YAE1: variants seen among roughly 807,000 people sequenced by gnomAD.
YAE1 encodes the protein YAE1 maturation factor of ABCE1.
A neutral mutation model predicts 23.0 loss-of-function variants in YAE1; 22 were observed. The ratio of observed to expected loss-of-function variants is 0.96; its 90% CI spans 0.68 to 1.37. The LOEUF is 1.37. YAE1 is among the 40% of genes most tolerant of loss of function. The probability of loss-of-function intolerance (pLI) is 0.00; values close to 1 mark genes in which losing one functional copy is unlikely to be tolerated. For missense variants in YAE1, 260 were observed against 262.1 expected, an observed-to-expected ratio of 0.99 and a Z score of 0.06; for synonymous variants, 101 against 97.0, an observed-to-expected ratio of 1.04 and a Z score of -0.24.
At chr7:39,607,239 C>G (rs529654219) in intron 2 of YAE1, among the ~76,000 whole-genome samples, 1 of 152,236 alleles carries the variant, frequency 6.6e-6, no homozygotes, top group East Asian at 1.9e-4. Flanking sequence ...CCAGTGTTGT[C>G]TATGTCCTAC....
chr7:39,570,714 A>G, intron 2 of YAE1, 87 bp downstream of exon 2: 2 of 1,473,802 alleles, frequency 1.4e-6, no homozygotes, highest in East Asian at 2.4e-5. Context: ...TTAAACTGAA[A>G]TGCTTTTCCT....
chr7:39,609,503 C>G, intron 2 of YAE1: 2 of 1,372,286 alleles, frequency 1.5e-6, no homozygotes, highest in Non-Finnish European at 1.9e-6. Flanking sequence ...GACAAATCTT[C>G]GTTATAAGTT....
chr7:39,593,422 AT>A (rs1790931711), intron 2 of YAE1, among the ~76,000 whole-genome samples: 1 of 151,560 alleles, frequency 6.6e-6, no homozygotes, highest in Admixed American at 6.6e-5. Flanking sequence ...TAATTTTTGT[AT>A]TTTTAGTAGA....
downstream of YAE1, among the ~76,000 whole-genome samples, chr7:39,574,710 G>A (rs1790626492): frequency 6.8e-6 from 1 of 146,074 alleles, no homozygotes. Context: ...TCCAGCCTGG[G>A]TGACAGAGCA....
chr7:39,600,102 C>G (rs186503879), intron 2 of YAE1, among the ~76,000 whole-genome samples: 1 of 152,058 alleles, frequency 6.6e-6, no homozygotes, highest in East Asian at 1.9e-4. Context: ...GAGTAAGGAC[C>G]GTATCCAATT....
At position 39,566,523 on chromosome 7, in the gene YAE1, G is replaced by A; in HGVS notation, c.105G>A (p.Gln35=). 6.2e-7 allele frequency: 1 copy of A among 1,614,110 alleles called. No homozygotes were observed. The highest frequency in any genetic ancestry group is 8.5e-7 in the Non-Finnish European group (1 of 1,179,970). The change falls in exon 1 of 3, where the codon CAG becomes CAA. Residue 35 remains glutamine (Q), a synonymous_variant. Transcript: ENST00000223273. ...DESLLAQREW[Q]SNMQRRVKEG... Reference sequence around the variant, plus strand: ...CGCTCCTGGCGCAGCGGGAATGGCAGAGTAACATGCAAAGACGAGTCAAAG... The same window carrying A: ...CGCTCCTGGCGCAGCGGGAATGGCAAAGTAACATGCAAAGACGAGTCAAAG...
At chr7:39,570,821 T>G (rs1431332631) in intron 2 of YAE1, 194 bp downstream of exon 2, 1 of 597,518 alleles carries the variant, frequency 1.7e-6, no homozygotes, top group East Asian at 3.4e-5. Flanking sequence ...ATGTGTGAAC[T>G]ACATATTGTC....
downstream of YAE1, among the ~76,000 whole-genome samples, chr7:39,577,496 C>G (rs889881705): frequency 1.3e-5 from 2 of 152,174 alleles, no homozygotes; most frequent in Admixed American, 6.5e-5. Context: ...TTGGCAGGCC[C>G]TGCACTTGGA....
rs1790585612 is a variant in YAE1 at position 39,572,436 on chromosome 7, T to C, written c.411T>C (p.Ile137=). 6.2e-7 allele frequency: 1 copy of C among 1,614,120 alleles called. No homozygotes were observed. The highest frequency in any genetic ancestry group is 8.5e-7 in the Non-Finnish European group (1 of 1,179,976). The change falls in exon 3 of 3, where the codon ATT becomes ATC. Residue 137 remains isoleucine (I), a synonymous_variant. Transcript: ENST00000223273. ...PSHVVDLLDS[I]EDMDLCHVVP... Reference sequence around the variant, plus strand: ...ATGTTGTAGATTTATTGGACTCCATTGAGGATATGGACCTTTGTCATGTAG... The same window carrying C: ...ATGTTGTAGATTTATTGGACTCCATCGAGGATATGGACCTTTGTCATGTAG...
At chr7:39,611,716 A>AT (rs1039043180), downstream of YAE1, among the ~76,000 whole-genome samples, 1 of 152,076 alleles carries the variant, frequency 6.6e-6, no homozygotes, top group African/African-American at 2.4e-5. Context: ...GTATACATTT[A>AT]TTTTTTTACC....
At position 39,569,952 on chromosome 7, in the gene YAE1, A is replaced by C. The variant is rs1790538743; in HGVS notation, c.130-554A>C. 1.4e-5 allele frequency: 18 copies of C among 1,324,576 alleles called. No homozygotes were observed. In the South Asian group the frequency reaches 2.1e-4, roughly 16 times the overall value. 82.1% of individuals were successfully genotyped at this position (1,324,576 alleles called of 1,614,324 possible). ...CAGTCCTGGCTGCTCTGTGACATCT[A>C]CTTTCACAACATTAACCTCAGATCT... On this transcript the variant is annotated intron_variant, in intron 1 of 2. Coordinates refer to ENST00000223273, the MANE Select transcript of YAE1 (RefSeq NM_020192.5).
At chr7:39,584,097 G>A (rs1220791461) in intron 2 of YAE1, among the ~76,000 whole-genome samples, 2 of 152,032 alleles carry the variant, frequency 1.3e-5, no homozygotes, top group African/African-American at 4.8e-5. Context: ...GCTTCCCTCT[G>A]GCAGAACTAA....
At chr7:39,596,280 C>A (rs1241204076) in intron 2 of YAE1, among the ~76,000 whole-genome samples, 1 of 152,118 alleles carries the variant, frequency 6.6e-6, no homozygotes, top group African/African-American at 2.4e-5. Context: ...CTGCAACCTC[C>A]GCCTACCAAT....
chr7:39,572,615 C>G lies in YAE1; in HGVS notation c.590C>G (p.Pro197Arg). 6.2e-7 allele frequency: 1 copy of G among 1,614,052 alleles called. No homozygotes were observed. The highest frequency in any genetic ancestry group is 8.5e-7 in the Non-Finnish European group (1 of 1,179,946). ...RTQEHAHSEN[P>R]SPTWILEQTA... is the part of the protein sequence containing the mutation. Reference sequence around the variant, plus strand: ...CAGGAGCATGCACATTCAGAAAACCCAAGCCCCACATGGATTTTGGAACAG... The same window carrying G: ...CAGGAGCATGCACATTCAGAAAACCGAAGCCCCACATGGATTTTGGAACAG... The change falls in exon 3 of 3, where the codon CCA (proline) becomes CGA (arginine). Residue 197 changes from proline to arginine, a missense_variant. Physicochemically the swap from Pro to Arg is moderately radical, Grantham distance 103 (BLOSUM62 -2). Transcript: ENST00000223273.
At chr7:39,604,430 G>A (rs143208209) in intron 2 of YAE1, among the ~76,000 whole-genome samples, 1 of 152,232 alleles carries the variant, frequency 6.6e-6, no homozygotes, top group East Asian at 1.9e-4. Flanking sequence ...GAGTCACAAG[G>A]GGGATAAGTC....
At chr7:39,602,768 A>T (rs1051746734) in intron 2 of YAE1, among the ~76,000 whole-genome samples, 2 of 152,082 alleles carry the variant, frequency 1.3e-5, no homozygotes, top group Admixed American at 1.3e-4. Context: ...GTTTGTTTTG[A>T]GACAGAGTCT....
chr7:39,570,105 G>C, intron 1 of YAE1: 2 of 1,022,988 alleles, frequency 2.0e-6, no homozygotes, highest in Non-Finnish European at 1.5e-6. Context: ...GTGATGATGC[G>C]TACGTTGCTC....
intron 2 of YAE1, among the ~76,000 whole-genome samples, chr7:39,604,167 CT>C (rs1791095379): frequency 6.6e-6 from 1 of 152,232 alleles, no homozygotes; most frequent in Admixed American, 6.5e-5. Context: ...GTGGCTATAG[CT>C]GTGCCTGTCA....
chr7:39,574,243 G>A (rs897008767), downstream of YAE1, among the ~76,000 whole-genome samples: 1 of 152,306 alleles, frequency 6.6e-6, no homozygotes, highest in East Asian at 1.9e-4. Context: ...GAAATCAGGA[G>A]AATTAGCTAG....
Sources: allele counts gnomAD v4.1 joint callset (sites outside exome capture counted in the v4.1 genomes callset), GRCh38; gene constraint gnomAD v4.1.1; transcripts MANE v1.5; gene names NCBI Gene and HGNC (gene_info 2026-07-23, HGNC 2026-07-21).